DLG2: variants seen among roughly 807,000 people sequenced by gnomAD.
DLG2 encodes disks large homolog 2.
In DLG2, 45 loss-of-function variants were observed where a neutral mutation model predicts 132.5. The observed-to-expected ratio is 0.34, with a 90% CI of 0.27 to 0.44. DLG2 has a LOEUF of 0.44. Among genes scored for constraint, DLG2 ranks in the 20% least tolerant of loss-of-function variants. DLG2 has a pLI of 1.00. For missense variants in DLG2, 1,045 were observed against 1,196.9 expected (o/e 0.87, Z 1.87); for synonymous variants, 424 against 419.6 (o/e 1.01, Z -0.13).
intron 6 of DLG2, among the ~76,000 whole-genome samples, chr11:84,925,630 A>G (rs2092949449): frequency 6.6e-6 from 1 of 152,194 alleles, no homozygotes; most frequent in South Asian, 2.1e-4. Context: ...TGCAAGAATA[A>G]TAACATTTGC....
chr11:84,381,183 A>G (rs2098748025), intron 7 of DLG2, among the ~76,000 whole-genome samples: 1 of 152,048 alleles, frequency 6.6e-6, no homozygotes, highest in Non-Finnish European at 1.5e-5. Context: ...GCTCAAGAAT[A>G]AAGAGAAAAC....
chr11:84,603,514 G>A (rs2099580310), intron 6 of DLG2, among the ~76,000 whole-genome samples: 2 of 151,824 alleles, frequency 1.3e-5, no homozygotes, highest in Admixed American at 1.3e-4. Context: ...CAATCTAAGA[G>A]CCATTTAGGA....
intron 18 of DLG2, among the ~76,000 whole-genome samples, chr11:83,731,383 T>C (rs1297750277): frequency 1.3e-5 from 2 of 152,182 alleles, no homozygotes; most frequent in African/African-American, 4.8e-5. Flanking sequence ...TGAGAACACG[T>C]AGTGTTTAAT....
intron 7 of DLG2, among the ~76,000 whole-genome samples, chr11:84,316,314 A>G (rs1254955912): frequency 2.0e-5 from 3 of 152,172 alleles, no homozygotes; most frequent in Non-Finnish European, 2.9e-5. Context: ...TTAATTATTT[A>G]GTGTAAATAA....
intron 4 of DLG2, among the ~76,000 whole-genome samples, chr11:85,177,331 T>C (rs2079360617): frequency 6.6e-6 from 1 of 151,664 alleles, no homozygotes; most frequent in Non-Finnish European, 1.5e-5. Context: ...CAGGGAATAC[T>C]ATGCAGCCAT....
chr11:84,880,877 A>G (rs1386005713), intron 6 of DLG2, among the ~76,000 whole-genome samples: 1 of 152,168 alleles, frequency 6.6e-6, no homozygotes, highest in Admixed American at 6.6e-5. Flanking sequence ...AATTAAGGAA[A>G]TAAATCATTC....
At chr11:85,391,310 A>G (rs915565241) in intron 3 of DLG2, among the ~76,000 whole-genome samples, 1 of 152,106 alleles carries the variant, frequency 6.6e-6, no homozygotes, top group African/African-American at 2.4e-5. Context: ...AGTTGCCAAC[A>G]ACAAAAAATA....
chr11:84,842,381 C>T (rs1036829174), intron 6 of DLG2, among the ~76,000 whole-genome samples: 7 of 151,898 alleles, frequency 4.6e-5, no homozygotes, highest in Non-Finnish European at 1.0e-4. Flanking sequence ...GATTCAATGT[C>T]CCCCGTATGT....
At chr11:83,922,161 A>C (rs1196993733) in intron 15 of DLG2, among the ~76,000 whole-genome samples, 1 of 152,184 alleles carries the variant, frequency 6.6e-6, no homozygotes, top group East Asian at 1.9e-4. Flanking sequence ...AGTATCAAAA[A>C]ATAGTGAGGG....
intron 7 of DLG2, among the ~76,000 whole-genome samples, chr11:84,434,158 T>C (rs1346737059): frequency 6.6e-6 from 1 of 151,046 alleles, no homozygotes; most frequent in Non-Finnish European, 1.5e-5. Flanking sequence ...ACAAAACAAG[T>C]TTGCTACACT....
intron 4 of DLG2, among the ~76,000 whole-genome samples, chr11:85,251,364 T>C (rs2152695686): frequency 6.6e-6 from 1 of 152,344 alleles, no homozygotes; most frequent in Non-Finnish European, 1.5e-5. Flanking sequence ...TCGTTATATA[T>C]ATCCCATATA....
intron 7 of DLG2, among the ~76,000 whole-genome samples, chr11:84,504,814 T>C (rs892622801): frequency 9.9e-6 from 1 of 101,272 alleles, no homozygotes; most frequent in Non-Finnish European, 2.0e-5. Flanking sequence ...CTCCATGTTT[T>C]AGCAGCAACA....
chr11:85,600,007 T>C (rs1254088567), intron 2 of DLG2, among the ~76,000 whole-genome samples: 1 of 152,208 alleles, frequency 6.6e-6, no homozygotes, highest in Non-Finnish European at 1.5e-5. Flanking sequence ...TTATTTTCTA[T>C]TTCCTCCTTT....
intron 7 of DLG2, among the ~76,000 whole-genome samples, chr11:84,375,781 A>T (rs191798590): frequency 2.2e-4 from 34 of 152,048 alleles, no homozygotes; most frequent in African/African-American, 7.5e-4. Context: ...TCATTTATAC[A>T]TTTGCTTTTC....
intron 6 of DLG2, among the ~76,000 whole-genome samples, chr11:85,031,077 CT>C (rs1016914080): frequency 7.9e-5 from 12 of 151,536 alleles, no homozygotes; most frequent in East Asian, 1.9e-4. Context: ...ATGATTTCAG[CT>C]TTTTTTTATA....
chr11:83,773,778 C>T (rs574512496), intron 18 of DLG2, among the ~76,000 whole-genome samples: 1 of 152,332 alleles, frequency 6.6e-6, no homozygotes, highest in East Asian at 1.9e-4. Flanking sequence ...GTATTGAGTG[C>T]CAACTCTGTG....
intron 6 of DLG2, among the ~76,000 whole-genome samples, chr11:85,082,574 C>A (rs1377888049): frequency 8.6e-5 from 13 of 151,878 alleles, no homozygotes; most frequent in Non-Finnish European, 1.9e-4. Flanking sequence ...TTTAAGGGGT[C>A]AGAGTCATTA....
chr11:84,069,654 C>T (rs1424881180), intron 10 of DLG2, among the ~76,000 whole-genome samples: 1 of 152,174 alleles, frequency 6.6e-6, no homozygotes, highest in East Asian at 1.9e-4. Context: ...CCTCTATTTG[C>T]CACTTCATTT....
At chr11:83,668,796 CACACATATATATGTGTATATAA>C (rs1214310258) in intron 18 of DLG2, among the ~76,000 whole-genome samples, 5,387 of 61,278 alleles carry the variant, frequency 0.088, 634 homozygotes, top group African/African-American at 0.3. Context: ...TGTATATAAA[CACACATATATATGTGTATATAA>C]ACATATATAT....
Sources: allele counts gnomAD v4.1 joint callset (sites outside exome capture counted in the v4.1 genomes callset), GRCh38; gene constraint gnomAD v4.1.1; transcripts MANE v1.5; gene names NCBI Gene and HGNC (gene_info 2026-07-23, HGNC 2026-07-21).